The following KLHL33 variants were observed in gnomAD, a reference collection of about 807,000 sequenced individuals.
KLHL33 encodes kelch-like protein 33.
KLHL33 carries 46 observed loss-of-function variants against 60.8 expected under a neutral mutation model. That is an observed-to-expected ratio of 0.76 (90% CI 0.60 to 0.97). The LOEUF is 0.97. Ranked by LOEUF, KLHL33 falls within the 50% of genes least tolerant of loss-of-function variation. KLHL33 has a pLI of 0.00. For synonymous variants in KLHL33, 434 were observed against 432.2 expected, an observed-to-expected ratio of 1.00 and a Z score of -0.05; for missense variants, 1,055 against 1,000.0, an observed-to-expected ratio of 1.05 and a Z score of -0.74.
chr14:20,433,101 TA>T (rs1326672813), intron 2 of KLHL33, among the ~76,000 whole-genome samples: 11 of 152,294 alleles, frequency 7.2e-5, no homozygotes, highest in Non-Finnish European at 1.6e-4. Flanking sequence ...TGTCTTCTTT[TA>T]AAAAGATACA....
chr14:20,428,722 T>C lies in KLHL33; in HGVS notation c.*127A>G. 1.2e-6 allele frequency: 1 copy of C among 859,332 alleles called. No homozygotes were observed. Among genetic ancestry groups the C allele is most frequent in the African/African-American group, 1.7e-5 (1 of 58,554 alleles). The allele number at this position is 859,332 out of a possible 1,614,324, so 53.2% of individuals were successfully genotyped here. On this transcript the variant is annotated 3_prime_UTR_variant, in exon 5 of 5. Coordinates refer to ENST00000636854, the MANE Select transcript of KLHL33 (RefSeq NM_001365790.2). ...ACGGAGATCATACGTACAAAAGCAGTTTACAATGCACAGTGTGAGAATAAA... is the reference window on the plus strand; with the variant it reads ...ACGGAGATCATACGTACAAAAGCAGCTTACAATGCACAGTGTGAGAATAAA...
intron 2 of KLHL33, among the ~76,000 whole-genome samples, chr14:20,431,247 G>A (rs767545405): frequency 4.6e-5 from 7 of 152,160 alleles, no homozygotes; most frequent in Admixed American, 1.3e-4. Context: ...GGCACCACTC[G>A]GGAATGGCTG....
Position 20,429,075 on chromosome 14 carries a change from G to C in KLHL33, c.2168C>G (p.Ala723Gly), listed in dbSNP as rs892359064. ...APLPSPHVGA[A>G]SAVLQGELLV... ...TAGCTCCCCCTGCAGCACAGCACTT[G>C]CAGCCCCCACATGGGGGGAGGGTAG... The change falls in exon 5 of 5, where the codon GCA becomes GGA. Residue 723 changes from alanine (A) to glycine (G), a missense_variant. Physicochemically the swap from Ala to Gly is moderately conservative, Grantham distance 60 (BLOSUM62 0). Coordinates refer to ENST00000636854, the MANE Select transcript of KLHL33 (RefSeq NM_001365790.2). 96 of 1,551,610 alleles carry C rather than the reference G, an allele frequency of 6.2e-5. No homozygotes were observed. The highest frequency in any genetic ancestry group is 8.0e-5 in the Non-Finnish European group (92 of 1,146,988).
chr14:20,435,216 T>C lies in KLHL33; in HGVS notation c.596A>G (p.Gln199Arg). ...GGCATTTCCAGCCCTCTCGCATGTC[T>C]GCTGGGCAGCAGCCTTCACCCGGGG... ...GAPRVKAAAQ[Q>R]TCERAGNARE... The change falls in exon 2 of 5, where the codon CAG (glutamine) becomes CGG (arginine). Residue 199 changes from glutamine to arginine, a missense_variant. By Grantham distance (43) the Gln-to-Arg change is conservative (BLOSUM62 1). Transcript: ENST00000636854. 1 of 1,234,426 alleles carries C rather than the reference T, an allele frequency of 8.1e-7. No homozygotes were observed. The highest frequency in any genetic ancestry group is 1.0e-6 in the Non-Finnish European group (1 of 988,192). 76.5% of individuals were successfully genotyped at this position (1,234,426 alleles called of 1,614,324 possible). A position where few individuals can be genotyped will look rare whatever the true frequency, so the allele number is the denominator to read the frequency against.
rs1240521563 is a variant in KLHL33, at chr14:20,429,953, G to C, written c.1515C>G (p.Gly505=). The C allele has an allele frequency of 6.4e-6, 10 of 1,551,698 alleles. No homozygotes were observed. Among genetic ancestry groups the C allele is most frequent in the Non-Finnish European group, 8.7e-6 (10 of 1,146,998 alleles). ...AVWWARAFRC[G]VGLVRTVEWG... is the part of the protein sequence containing the mutation. Reference sequence around the variant, plus strand: ...ACTCAACAGTTCGTACCAGTCCCACGCCACAGCGGAAGGCCCGGGCCCACC... The same window carrying C: ...ACTCAACAGTTCGTACCAGTCCCACCCCACAGCGGAAGGCCCGGGCCCACC... The change falls in exon 3 of 5, where the codon GGC becomes GGG. Residue 505 remains glycine (G), a synonymous_variant. Transcript: ENST00000636854.
In KLHL33 at chr14:20,433,949, C is replaced by G. The variant is rs139073571; in HGVS notation, c.748+1115G>C. 1.8e-3 allele frequency among the ~76,000 whole-genome samples: 269 copies of G among 152,274 alleles called. 1 individual carries two copies. Among genetic ancestry groups the G allele is most frequent in the Middle Eastern group, 0.01 (3 of 294 alleles). The stretch of plus-strand genomic sequence containing the variant: ...ACAGCCCAACTAGATAATCTCTAAA[C>G]TAATCCCTTGTAATTTTAAACTTTC... On this transcript the variant is annotated intron_variant, in intron 2 of 4. Coordinates refer to ENST00000636854, the MANE Select transcript of KLHL33 (RefSeq NM_001365790.2).
In KLHL33 at chr14:20,430,534, G is replaced by A. The variant is rs1350865575; in HGVS notation, c.934C>T (p.Gln312Ter). Reference protein sequence around the residue: ...ARWPGLLRAAQAALQYQSSSC... With the variant: ...ARWPGLLRAA ...GAGCTCTGGTACTGCAGAGCAGCCT[G>A]GGCAGCTCTCAGTAGCCCTGGCCAC... The change falls in exon 3 of 5, where the codon CAG (glutamine) becomes TAG (stop). Residue 312 changes from glutamine to a stop codon, truncating the protein, a stop_gained. Coordinates refer to ENST00000636854, the MANE Select transcript of KLHL33 (RefSeq NM_001365790.2). LOFTEE classifies it high-confidence loss of function. 1.9e-6 allele frequency: 3 copies of A among 1,544,544 alleles called. No homozygotes were observed. The highest frequency in any genetic ancestry group is 2.6e-6 in the Non-Finnish European group (3 of 1,146,992).
In KLHL33 at chr14:20,429,090, G is replaced by T; in HGVS notation, c.2153C>A (p.Pro718His). 11 of 1,551,722 alleles carry T rather than the reference G, an allele frequency of 7.1e-6. No individual in the cohort carries two copies. Among genetic ancestry groups the T allele is most frequent in the Non-Finnish European group, 9.6e-6 (11 of 1,146,988 alleles). The change falls in exon 5 of 5, where the codon CCC (proline) becomes CAC (histidine). Residue 718 changes from proline (P) to histidine (H), a missense_variant. Physicochemically the swap from Pro to His is moderately conservative, Grantham distance 77. Coordinates refer to ENST00000636854, the MANE Select transcript of KLHL33 (RefSeq NM_001365790.2). ...CACAGCACTTGCAGCCCCCACATGG[G>T]GGGAGGGTAGGGGTGCCAGGTGAGT... is the stretch of plus-strand genomic sequence containing the variant. ...SWTHLAPLPS[P>H]HVGAASAVLQ... is the part of the protein sequence containing the mutation.
In KLHL33 at chr14:20,426,135, A is replaced by G. The variant is rs1345779513; in HGVS notation, c.*2714T>C. The stretch of plus-strand genomic sequence containing the variant: ...CCAAGTACTTCTGGGGCCAGAATGA[A>G]GAAGGGTGCAAGGGAGACTCCATCA... On this transcript the variant is annotated 3_prime_UTR_variant, in exon 5 of 5. Coordinates refer to ENST00000636854, the MANE Select transcript of KLHL33 (RefSeq NM_001365790.2). The G allele has an allele frequency of 1.3e-5, 2 of 152,210 alleles. No homozygotes were observed. Among genetic ancestry groups the G allele is most frequent in the Non-Finnish European group, 2.9e-5 (2 of 68,030 alleles). The allele number at this position is 152,210 out of a possible 1,614,324, so 9.4% of individuals were successfully genotyped here. A position where few individuals can be genotyped will look rare whatever the true frequency, so the allele number is the denominator to read the frequency against.
rs1276606689 is a variant in KLHL33, at chr14:20,429,670, C to A, written c.1674-1G>T. Reference sequence around the variant, plus strand: ...CCAGTCCTCTTGACTGGGCTCCCACCTGGACACAGTAGGACAAGAGATTGG... The same window carrying A: ...CCAGTCCTCTTGACTGGGCTCCCACATGGACACAGTAGGACAAGAGATTGG... On this transcript the variant is annotated splice_acceptor_variant, in intron 3 of 4. Coordinates refer to ENST00000636854, the MANE Select transcript of KLHL33 (RefSeq NM_001365790.2). LOFTEE classifies it high-confidence loss of function. 4.5e-6 allele frequency: 7 copies of A among 1,551,204 alleles called. No individual in the cohort carries two copies. Among genetic ancestry groups the A allele is most frequent in the Non-Finnish European group, 6.1e-6 (7 of 1,146,770 alleles).
At chr14:20,432,926 A>AAAAAGAAAG (rs1555330502) in intron 2 of KLHL33, among the ~76,000 whole-genome samples, 1 of 104,672 alleles carries the variant, frequency 9.6e-6, no homozygotes, top group African/African-American at 3.8e-5. Context: ...CATCTCAAAA[A>AAAAAGAAAG]AAAGAAAGAA....
At position 20,429,571 on chromosome 14, in the gene KLHL33, A is replaced by C. The variant is rs879095390; in HGVS notation, c.1772T>G (p.Leu591Arg). The C allele has an allele frequency of 6.4e-7, 1 of 1,552,198 alleles. No homozygotes were observed. Among genetic ancestry groups the C allele is most frequent in the South Asian group, 1.2e-5 (1 of 84,050 alleles). Residue 591 changes from leucine (L) to arginine (R), a missense_variant, in exon 4 of 5, where the codon CTG (leucine) becomes CGG (arginine). Physicochemically the swap from Leu to Arg is moderately radical, Grantham distance 102. Coordinates refer to ENST00000636854, the MANE Select transcript of KLHL33 (RefSeq NM_001365790.2). Reference sequence around the variant, plus strand: ...GGCAACATCATTGTGTCTTCCACCCAGGGCATAAAGTTTTCCATCCAGTGC... The same window carrying C: ...GGCAACATCATTGTGTCTTCCACCCCGGGCATAAAGTTTTCCATCCAGTGC... ...LVALDGKLYALGGRHNDVALD... is the reference protein window; with the variant it reads ...LVALDGKLYARGGRHNDVALD...
Position 20,428,686 on chromosome 14 carries a change from C to T in KLHL33, c.*163G>A. On this transcript the variant is annotated 3_prime_UTR_variant, in exon 5 of 5. Transcript: ENST00000636854. ...GTTTTCCCTAGGAGTTCTGGAACCA[C>T]CATTTCCTCAACGGAGATCATACGT... The T allele has an allele frequency of 1.5e-6, 1 of 676,364 alleles. No homozygotes were observed. The highest frequency in any genetic ancestry group is 2.1e-5 in the South Asian group (1 of 46,740). 41.9% of individuals were successfully genotyped at this position (676,364 alleles called of 1,614,324 possible).
rs1167940141 is a variant in KLHL33, at chr14:20,429,377, T to TGGTGCTGGAAGTGCA, written c.1851_1865dup (p.Ala618_Pro622dup). On this transcript the variant is annotated inframe_insertion, in exon 5 of 5. Coordinates refer to ENST00000636854, the MANE Select transcript of KLHL33 (RefSeq NM_001365790.2). ...AAATCGCAGCTGCGTGGGCAAAACA[T>TGGTGCTGGAAGTGCA]GGTGCTGGAAGTGCAGGTGCTGGCC... 7.1e-6 allele frequency: 11 copies of TGGTGCTGGAAGTGCA among 1,551,596 alleles called. No homozygotes were observed. Among genetic ancestry groups the TGGTGCTGGAAGTGCA allele is most frequent in the Admixed American group, 2.0e-5 (1 of 50,970 alleles).
Position 20,435,717 on chromosome 14 carries a change from T to C in KLHL33, c.95A>G (p.Gln32Arg). ...GGAGGGAGGCCAGGAAGGGGTTCTC[T>C]GGGCGTGCACAAGGAGTCCAAGGCA... ...RDCLGLLVHA[Q>R]RTPSWPPSPD... The change falls in exon 2 of 5, where the codon CAG becomes CGG. Residue 32 changes from glutamine (Q) to arginine (R), a missense_variant. Coordinates refer to ENST00000636854, the MANE Select transcript of KLHL33 (RefSeq NM_001365790.2). 2.4e-6 allele frequency: 3 copies of C among 1,234,784 alleles called. No homozygotes were observed. The highest frequency in any genetic ancestry group is 3.0e-6 in the Non-Finnish European group (3 of 988,486). 76.5% of individuals were successfully genotyped at this position (1,234,784 alleles called of 1,614,324 possible).
In KLHL33 at chr14:20,433,984, A is replaced by T. The variant is rs534083147; in HGVS notation, c.748+1080T>A. ...GTAATTTTAAACTTTCAATGTGTCC[A>T]CATGGCCTAGTGGAAGGAGACTGGA... On this transcript the variant is annotated intron_variant, in intron 2 of 4. Coordinates refer to ENST00000636854, the MANE Select transcript of KLHL33 (RefSeq NM_001365790.2). Among the ~76,000 whole-genome samples, 543 of 152,304 alleles carry T rather than the reference A, an allele frequency of 3.6e-3. 2 individuals carry two copies. Among genetic ancestry groups the T allele is most frequent in the African/African-American group, 0.012 (514 of 41,554 alleles).
chr14:20,432,926 A>AAAAGAAAGAAAGAAAGAAAGAAAG (rs59220485), intron 2 of KLHL33, among the ~76,000 whole-genome samples: 2,788 of 104,666 alleles, frequency 0.027, 117 homozygotes, highest in East Asian at 0.042. Flanking sequence ...CATCTCAAAA[A>AAAAGAAAGAAAGAAAGAAAGAAAG]AAAGAAAGAA....
intron 2 of KLHL33, among the ~76,000 whole-genome samples, chr14:20,431,487 G>A (rs902995178): frequency 3.3e-5 from 4 of 120,928 alleles, no homozygotes; most frequent in East Asian, 2.2e-4. Flanking sequence ...AGCACTTTGG[G>A]AGGCTGAGGT....
intron 2 of KLHL33, 21 bp from the exon 3 acceptor site, chr14:20,430,740 T>C (rs1880485959): frequency 6.8e-7 from 1 of 1,466,274 alleles, no homozygotes; most frequent in African/African-American, 1.4e-5. Context: ...GGAGAAGGAA[T>C]AGAGGAGGAC....
Sources: gnomAD v4.1 joint callset for allele counts (sites outside exome capture counted in the v4.1 genomes callset) on GRCh38, gnomAD v4.1.1 for gene constraint, MANE v1.5 for transcripts, NCBI Gene and HGNC (gene_info 2026-07-23, HGNC 2026-07-21) for gene names.